TYR: variants seen among roughly 807,000 people sequenced by gnomAD.
The protein encoded by TYR is tyrosinase, also known as LB24-AB.
A neutral mutation model predicts 51.5 loss-of-function variants in TYR; 58 were observed. That is an observed-to-expected ratio of 1.13 (90% CI 0.91 to 1.40). The LOEUF (loss-of-function observed/expected upper bound fraction) is 1.40. Among genes scored for constraint, TYR ranks in the 40% most tolerant of loss-of-function variants. The probability of loss-of-function intolerance (pLI) is 0.00; values close to 1 mark genes in which losing one functional copy is unlikely to be tolerated. For missense variants in TYR, 732 were observed against 647.4 expected (o/e 1.13, Z -1.42); for synonymous variants, 263 against 235.2 (o/e 1.12, Z -1.08).
intron 3 of TYR, among the ~76,000 whole-genome samples, chr11:89,253,050 C>A (rs1476851996): frequency 6.6e-6 from 1 of 151,672 alleles, no homozygotes; most frequent in African/African-American, 2.4e-5. Context: ...ACATAGCAAG[C>A]AAATTAGTCA....
At chr11:89,220,805 C>T (rs1943901358) in intron 2 of TYR, among the ~76,000 whole-genome samples, 1 of 151,952 alleles carries the variant, frequency 6.6e-6, no homozygotes, top group Admixed American at 6.6e-5. Flanking sequence ...AACAGAGTTG[C>T]TATGAAGATG....
At chr11:89,290,143 G>GT (rs1348265286) in intron 4 of TYR, among the ~76,000 whole-genome samples, 3 of 152,008 alleles carry the variant, frequency 2.0e-5, no homozygotes, top group Non-Finnish European at 2.9e-5. Context: ...GAAAAGAATG[G>GT]ATGACAAGAA....
chr11:89,259,531 C>G (rs944005123), intron 3 of TYR, among the ~76,000 whole-genome samples: 1 of 151,816 alleles, frequency 6.6e-6, no homozygotes, highest in Non-Finnish European at 1.5e-5. Context: ...TCTGAAGTAG[C>G]GAATGTAGTT....
Position 89,295,157 on chromosome 11 carries a change from C to A in TYR, c.1381C>A (p.Gln461Lys). The A allele has an allele frequency of 3.7e-6, 6 of 1,613,932 alleles. No homozygotes were observed. Among genetic ancestry groups the A allele is most frequent in the South Asian group, 1.1e-5 (1 of 91,044 alleles). ...TTTTATTTCAGACCCAGACTCTTTTCAAGACTACATTAAGTCCTATTTGGA... is the reference window on the plus strand; with the variant it reads ...TTTTATTTCAGACCCAGACTCTTTTAAAGACTACATTAAGTCCTATTTGGA... ...YLQDSDPDSF[Q>K]DYIKSYLEQA... The change falls in exon 5 of 5, where the codon CAA (glutamine) becomes AAA (lysine). Residue 461 changes from glutamine (Q) to lysine (K), a missense_variant. By Grantham distance (53) the Gln-to-Lys change is moderately conservative. Coordinates refer to ENST00000263321, the MANE Select transcript of TYR (RefSeq NM_000372.5).
At chr11:89,215,460 G>A (rs922544324) in intron 2 of TYR, among the ~76,000 whole-genome samples, 1 of 152,012 alleles carries the variant, frequency 6.6e-6, no homozygotes, top group Non-Finnish European at 1.5e-5. Context: ...CACGGCACAT[G>A]TACACCTATG....
At chr11:89,229,836 A>G (rs915268688) in intron 3 of TYR, among the ~76,000 whole-genome samples, 5 of 152,082 alleles carry the variant, frequency 3.3e-5, no homozygotes, top group Admixed American at 3.3e-4. Context: ...AAGTTTATCC[A>G]AGAAAATGAA....
intron 4 of TYR, among the ~76,000 whole-genome samples, chr11:89,287,536 TA>T (rs1297386617): frequency 1.3e-5 from 2 of 151,844 alleles, no homozygotes; most frequent in Non-Finnish European, 2.9e-5. Flanking sequence ...AGAAAGATCT[TA>T]ACTGCTTGCT....
In TYR at chr11:89,227,804, ATT is replaced by A. The variant is rs747032303; in HGVS notation, c.1037-11_1037-10del. The A allele has an allele frequency of 9.8e-6, 15 of 1,527,464 alleles. No homozygotes were observed. In the East Asian group the frequency reaches 3.5e-4, roughly 36 times the overall value. The allele number at this position is 1,527,464 out of a possible 1,614,324, so 94.6% of individuals were successfully genotyped here. A position where few individuals can be genotyped will look rare whatever the true frequency, so the allele number is the denominator to read the frequency against. On this transcript the variant is annotated splice_polypyrimidine_tract_variant and intron_variant, in intron 2 of 4. Transcript: ENST00000263321. ...TCATTAAAGTAAACATATTTTTTTC[ATT>A]TTTTTTTAATGAACAGGATTTGCTA... is the stretch of plus-strand genomic sequence containing the variant.
At chr11:89,186,713 G>C (rs192141353) in intron 1 of TYR, among the ~76,000 whole-genome samples, 5 of 152,254 alleles carry the variant, frequency 3.3e-5, no homozygotes, top group African/African-American at 1.2e-4. Context: ...CCAGTATTAT[G>C]GACTGAATTG....
intron 3 of TYR, among the ~76,000 whole-genome samples, chr11:89,248,181 A>G (rs1268531797): frequency 6.6e-6 from 1 of 152,202 alleles, no homozygotes; most frequent in Non-Finnish European, 1.5e-5. Flanking sequence ...GTGAAAATAT[A>G]TATGTAACAA....
chr11:89,291,270 T>C (rs1590906847), intron 4 of TYR, among the ~76,000 whole-genome samples: 1 of 151,982 alleles, frequency 6.6e-6, no homozygotes, highest in Non-Finnish European at 1.5e-5. Context: ...AAGCACACTA[T>C]TGGCCTTCAA....
chr11:89,191,524 C>T (rs1181882452), intron 2 of TYR, 106 bp downstream of exon 2: 8 of 1,084,388 alleles, frequency 7.4e-6, no homozygotes, highest in Non-Finnish European at 9.7e-6. Flanking sequence ...TCTGAGTTGA[C>T]CAAGAATATG....
intron 3 of TYR, among the ~76,000 whole-genome samples, chr11:89,250,910 A>G (rs1001307133): frequency 1.3e-5 from 2 of 151,978 alleles, no homozygotes; most frequent in African/African-American, 4.8e-5. Context: ...GACAGACTTG[A>G]CGTTGAAAAT....
At chr11:89,229,787 C>G (rs1009106616) in intron 3 of TYR, among the ~76,000 whole-genome samples, 2 of 151,836 alleles carry the variant, frequency 1.3e-5, no homozygotes, top group Non-Finnish European at 2.9e-5. Flanking sequence ...GAAAACAACC[C>G]CATGTACGAC....
At chr11:89,196,791 A>G (rs1289755237) in intron 2 of TYR, among the ~76,000 whole-genome samples, 4 of 152,200 alleles carry the variant, frequency 2.6e-5, no homozygotes, top group Non-Finnish European at 4.4e-5. Flanking sequence ...TGACCCATCA[A>G]GGGAAAACCT....
At chr11:89,258,689 A>C (rs1288440881) in intron 3 of TYR, among the ~76,000 whole-genome samples, 1 of 152,144 alleles carries the variant, frequency 6.6e-6, no homozygotes, top group Non-Finnish European at 1.5e-5. Context: ...TTTATTGTAC[A>C]TTTAATTGTA....
chr11:89,266,140 T>C (rs1325298634), intron 3 of TYR, among the ~76,000 whole-genome samples: 1 of 152,004 alleles, frequency 6.6e-6, no homozygotes, highest in Non-Finnish European at 1.5e-5. Flanking sequence ...CTGAAGAATG[T>C]TTTACATTAT....
At chr11:89,272,926 G>C (rs983952044) in intron 3 of TYR, among the ~76,000 whole-genome samples, 3 of 151,906 alleles carry the variant, frequency 2.0e-5, no homozygotes, top group African/African-American at 7.2e-5. Flanking sequence ...TCATAAAATT[G>C]AAGAGAGCTG....
intron 1 of TYR, among the ~76,000 whole-genome samples, chr11:89,180,433 G>A (rs1457917348): frequency 6.6e-6 from 1 of 152,032 alleles, no homozygotes; most frequent in Non-Finnish European, 1.5e-5. Flanking sequence ...CATGAGATGT[G>A]TAATACCAGA....
Sources: gnomAD v4.1 joint callset for allele counts (sites outside exome capture counted in the v4.1 genomes callset) on GRCh38, gnomAD v4.1.1 for gene constraint, MANE v1.5 for transcripts, NCBI Gene and HGNC (gene_info 2026-07-23, HGNC 2026-07-21) for gene names.